The following DARS1 variants were observed in gnomAD, a reference collection of about 807,000 sequenced individuals.
DARS1 encodes aspartate--tRNA ligase, cytoplasmic.
DARS1 carries 51 observed loss-of-function variants against 68.8 expected under a neutral mutation model. That is an observed-to-expected ratio of 0.74 (90% confidence interval 0.59 to 0.94). DARS1 has a LOEUF of 0.94. Among genes scored for constraint, DARS1 ranks in the 40% least tolerant of loss-of-function variants. The pLI, the probability that DARS1 is intolerant of heterozygous loss-of-function variation, is 0.00. For missense variants in DARS1, 607 were observed against 597.3 expected, an observed-to-expected ratio of 1.02 and a Z score of -0.17; for synonymous variants, 203 against 190.4, an observed-to-expected ratio of 1.07 and a Z score of -0.55.
In DARS1 at chr2:135,985,568, A is replaced by T; in HGVS notation, c.-100T>A. Reference sequence around the variant, plus strand: ...CTCCCTCCCAGTCTCCGCCCTCCCGACCCTGGGGTCTCAGCACACGCGCTC... The same window carrying T: ...CTCCCTCCCAGTCTCCGCCCTCCCGTCCCTGGGGTCTCAGCACACGCGCTC... On this transcript the variant is annotated 5_prime_UTR_variant, in exon 1 of 16. Coordinates refer to ENST00000264161, the MANE Select transcript of DARS1 (RefSeq NM_001349.4). 1.3e-6 allele frequency: 2 copies of T among 1,589,606 alleles called. No homozygotes were observed. The highest frequency in any genetic ancestry group is 1.7e-6 in the Non-Finnish European group (2 of 1,168,124).
At chr2:135,916,580 G>A (rs1033274651) in intron 10 of DARS1, among the ~76,000 whole-genome samples, 1 of 151,842 alleles carries the variant, frequency 6.6e-6, no homozygotes, top group Non-Finnish European at 1.5e-5. Flanking sequence ...TAACATCAAA[G>A]GATTAAAAAT....
intron 4 of DARS1, among the ~76,000 whole-genome samples, chr2:135,955,770 T>G (rs1307668056): frequency 7.2e-6 from 1 of 139,662 alleles, no homozygotes; most frequent in Non-Finnish European, 1.5e-5. Flanking sequence ...CACTGCAACC[T>G]TCGCCTCCCA....
chr2:135,961,469 G>T lies in DARS1; in HGVS notation c.247C>A (p.Gln83Lys). Reference sequence around the variant, plus strand: ...ACAAGAGCCTGGACATTAAACTGCTGCTGACGTAGGACTAAGAAGCACTGT... The same window carrying T: ...ACAAGAGCCTGGACATTAAACTGCTTCTGACGTAGGACTAAGAAGCACTGT... ...GKQCFLVLRQ[Q>K]QFNVQALVAV... Residue 83 changes from glutamine to lysine, a missense_variant, in exon 4 of 16, where the codon CAG becomes AAG. Transcript: ENST00000264161. 1 of 1,524,048 alleles carries T rather than the reference G, an allele frequency of 6.6e-7. No homozygotes were observed. The allele number at this position is 1,524,048 out of a possible 1,614,324, so 94.4% of individuals were successfully genotyped here.
intron 15 of DARS1, among the ~76,000 whole-genome samples, chr2:135,908,920 T>C (rs916183133): frequency 5.3e-5 from 8 of 152,158 alleles, no homozygotes; most frequent in Non-Finnish European, 1.2e-4. Flanking sequence ...AAAGTAAACG[T>C]AGTACATATA....
At chr2:135,954,961 CTAGA>C (rs1681937554) in intron 4 of DARS1, among the ~76,000 whole-genome samples, 1 of 151,932 alleles carries the variant, frequency 6.6e-6, no homozygotes, top group Non-Finnish European at 1.5e-5. Context: ...TTTCATTATA[CTAGA>C]TAGTCTCAAT....
intron 4 of DARS1, among the ~76,000 whole-genome samples, chr2:135,954,813 A>C (rs1375778567): frequency 6.6e-6 from 1 of 152,136 alleles, no homozygotes; most frequent in Non-Finnish European, 1.5e-5. Flanking sequence ...AGGTCGAGGA[A>C]GAGTAGCCCA....
At chr2:135,968,750 C>T (rs1193831630) in intron 3 of DARS1, among the ~76,000 whole-genome samples, 1 of 151,762 alleles carries the variant, frequency 6.6e-6, no homozygotes, top group African/African-American at 2.4e-5. Flanking sequence ...CAACCTCCGC[C>T]TCCTGGGTTC....
intron 8 of DARS1, 83 bp downstream of exon 8, chr2:135,924,304 A>G: frequency 7.2e-7 from 1 of 1,389,496 alleles, no homozygotes; most frequent in South Asian, 1.6e-5. Flanking sequence ...GGGATTCTCA[A>G]GTTAAAAATT....
chr2:135,972,296 A>T (rs1310857750), intron 3 of DARS1, among the ~76,000 whole-genome samples: 1 of 152,206 alleles, frequency 6.6e-6, no homozygotes. Flanking sequence ...CAGTAAACTC[A>T]TTTTTGACAA....
chr2:135,916,148 T>C (rs1031866630), intron 11 of DARS1, 78 bp downstream of exon 11: 2 of 746,590 alleles, frequency 2.7e-6, no homozygotes, highest in Admixed American at 2.1e-5. Context: ...ATGGCACATG[T>C]ATACCTATGT....
Position 135,922,931 on chromosome 2 carries a change from CATTTAT to C in DARS1, c.677-19_677-14del, listed in dbSNP as rs1208139619. On this transcript the variant is annotated splice_polypyrimidine_tract_variant and intron_variant, in intron 8 of 15. Coordinates refer to ENST00000264161, the MANE Select transcript of DARS1 (RefSeq NM_001349.4). ...CCTTCACTGGCAGCTGAAAGGTAAA[CATTTAT>C]ATTTATATTATTATAATCAATTGTA... 2 of 1,522,600 alleles carry C rather than the reference CATTTAT, an allele frequency of 1.3e-6. No individual in the cohort carries two copies. The highest frequency in any genetic ancestry group is 2.3e-5 in the Admixed American group (1 of 44,368). 94.3% of individuals were successfully genotyped at this position (1,522,600 alleles called of 1,614,324 possible).
At chr2:135,917,164 A>G (rs1575383826) in intron 10 of DARS1, among the ~76,000 whole-genome samples, 1 of 152,190 alleles carries the variant, frequency 6.6e-6, no homozygotes, top group East Asian at 1.9e-4. Context: ...GTCTCAAAAA[A>G]AAGAAAAAGA....
At position 135,907,006 on chromosome 2, in the gene DARS1, G is replaced by T; in HGVS notation, c.*310C>A. 5.8e-6 allele frequency: 1 copy of T among 172,990 alleles called. No individual in the cohort carries two copies. Among genetic ancestry groups the T allele is most frequent in the Middle Eastern group, 2.8e-3 (1 of 360 alleles). The allele number at this position is 172,990 out of a possible 1,614,324, so 10.7% of individuals were successfully genotyped here. ...ATCTTAACTGTTTAAAACTCTTAAC[G>T]TTTACTGTAGTAACAGAATATGAAT... On this transcript the variant is annotated 3_prime_UTR_variant, in exon 16 of 16. Transcript: ENST00000264161.
chr2:135,965,387 G>C (rs1418404550), intron 3 of DARS1, among the ~76,000 whole-genome samples: 2 of 151,840 alleles, frequency 1.3e-5, no homozygotes. Flanking sequence ...GATCCCAATA[G>C]ATAAACAGGC....
chr2:135,927,397 ATATT>A (rs1174236632), intron 7 of DARS1, among the ~76,000 whole-genome samples: 1 of 152,178 alleles, frequency 6.6e-6, no homozygotes, highest in African/African-American at 2.4e-5. Flanking sequence ...AATACCTTAT[ATATT>A]TAATTTATCA....
At chr2:135,983,709 T>C (rs1575411385) in intron 1 of DARS1, among the ~76,000 whole-genome samples, 1 of 152,196 alleles carries the variant, frequency 6.6e-6, no homozygotes, top group African/African-American at 2.4e-5. Context: ...CCATACTTAA[T>C]AACATTCTCA....
intron 2 of DARS1, among the ~76,000 whole-genome samples, chr2:135,979,893 G>A (rs1236252826): frequency 6.6e-6 from 1 of 152,188 alleles, no homozygotes; most frequent in Admixed American, 6.5e-5. Flanking sequence ...GCTAATGCAA[G>A]TCTTTCTCTG....
At chr2:135,974,424 G>C (rs1682452017) in intron 3 of DARS1, among the ~76,000 whole-genome samples, 1 of 152,184 alleles carries the variant, frequency 6.6e-6, no homozygotes, top group Non-Finnish European at 1.5e-5. Flanking sequence ...AAAGCAGAGT[G>C]AATAGTATAA....
chr2:135,981,490 G>A (rs1182262594), intron 2 of DARS1, among the ~76,000 whole-genome samples: 1 of 152,062 alleles, frequency 6.6e-6, no homozygotes, highest in Non-Finnish European at 1.5e-5. Context: ...GCTCATCGGA[G>A]GATTTTGGAT....
Sources: allele counts gnomAD v4.1 joint callset (sites outside exome capture counted in the v4.1 genomes callset), GRCh38; gene constraint gnomAD v4.1.1; transcripts MANE v1.5; gene names NCBI Gene and HGNC (gene_info 2026-07-23, HGNC 2026-07-21).